Variants in RELL1 observed in about 807,000 individuals in gnomAD.
RELL1 encodes RELT like 1.
A neutral mutation model predicts 23.0 loss-of-function variants in RELL1; 10 were observed. That is an observed-to-expected ratio of 0.43 (90% CI 0.27 to 0.74). The LOEUF (loss-of-function observed/expected upper bound fraction) is 0.74. Ranked by LOEUF, RELL1 falls within the 30% of genes least tolerant of loss-of-function variation. The pLI is 0.19. For missense variants in RELL1, 315 were observed against 364.4 expected (o/e 0.86, Z 1.10); for synonymous variants, 146 against 146.8 (o/e 0.99, Z 0.04).
In RELL1 at chr4:37,596,736, A is replaced by AT. The variant is rs1178565372; in HGVS notation, c.*4-5520dup. On this transcript the variant is annotated intron_variant, in intron 6 of 6. Transcript: ENST00000314117. ...TATATATATATATATATATATATAT[A>AT]TTTTTTTTTTTTTTTTTTTTTTTTT... 4.2e-4 allele frequency among the ~76,000 whole-genome samples: 7 copies of AT among 16,508 alleles called. 1 individual carries two copies. The highest frequency in any genetic ancestry group is 7.5e-4 in the Non-Finnish European group (5 of 6,662). 10.8% of individuals were successfully genotyped at this position (16,508 alleles called of 152,430 possible). A position where few individuals can be genotyped will look rare whatever the true frequency, so the allele number is the denominator to read the frequency against.
intron 6 of RELL1, among the ~76,000 whole-genome samples, chr4:37,619,599 T>C (rs1719701148): frequency 6.7e-6 from 1 of 150,302 alleles, no homozygotes. Flanking sequence ...GCAGAGTCTC[T>C]CTCTGTCACC....
intron 1 of RELL1, among the ~76,000 whole-genome samples, chr4:37,682,812 AAGCCTGC>A (rs1397126302): frequency 6.6e-6 from 1 of 152,204 alleles, no homozygotes; most frequent in Non-Finnish European, 1.5e-5. Context: ...TGCTGGAGGG[AAGCCTGC>A]AGCCCAAGGA....
At chr4:37,643,784 G>A (rs1301309942) in intron 3 of RELL1, among the ~76,000 whole-genome samples, 1 of 152,196 alleles carries the variant, frequency 6.6e-6, no homozygotes, top group Non-Finnish European at 1.5e-5. Context: ...AAACATGCTA[G>A]GTTATAAACT....
chr4:37,592,353 G>A (rs1156585485), intron 6 of RELL1, among the ~76,000 whole-genome samples: 34 of 108,156 alleles, frequency 3.1e-4, no homozygotes, highest in East Asian at 7.7e-4. Flanking sequence ...CCATCTCTAT[G>A]AAAAAAAAAA....
At chr4:37,661,601 T>C (rs1273091577) in intron 1 of RELL1, among the ~76,000 whole-genome samples, 1 of 152,158 alleles carries the variant, frequency 6.6e-6, no homozygotes, top group Non-Finnish European at 1.5e-5. Context: ...TTAAATACAG[T>C]TTAAATCAAT....
intron 6 of RELL1, among the ~76,000 whole-genome samples, chr4:37,601,580 A>G (rs1262069177): frequency 6.6e-6 from 1 of 152,232 alleles, no homozygotes; most frequent in African/African-American, 2.4e-5. Context: ...AAGATGGTGA[A>G]AGGAAATTCT....
chr4:37,631,197 C>T (rs1489784809), intron 6 of RELL1, among the ~76,000 whole-genome samples, 188 bp downstream of exon 6: 1 of 152,156 alleles, frequency 6.6e-6, no homozygotes, highest in Non-Finnish European at 1.5e-5. Flanking sequence ...TTTGTGACTT[C>T]TTTACAAGAA....
chr4:37,658,059 C>G (rs778923803), intron 1 of RELL1, among the ~76,000 whole-genome samples: 8 of 152,132 alleles, frequency 5.3e-5, no homozygotes, highest in Non-Finnish European at 1.0e-4. Context: ...GCCTAAGGAA[C>G]AGCCAGGGAG....
chr4:37,605,793 G>GAGAGAGAGAGAGAAAGAAAGAAAGAA (rs1269670059), downstream of RELL1, among the ~76,000 whole-genome samples: 1 of 90,400 alleles, frequency 1.1e-5, no homozygotes, highest in African/African-American at 3.9e-5. Context: ...GAGAAAGAAA[G>GAGAGAGAGAGAGAAAGAAAGAAAGAA]AGAAAGAAAG....
chr4:37,613,420 A>T (rs1719474644), intron 6 of RELL1, 78 bp from the exon 7 acceptor site: 1 of 152,196 alleles, frequency 6.6e-6, no homozygotes, highest in Admixed American at 6.5e-5. Context: ...CTGAATATTT[A>T]AAAACACAGA....
intron 5 of RELL1, among the ~76,000 whole-genome samples, chr4:37,633,735 GT>G (rs1311246446): frequency 6.6e-6 from 1 of 152,188 alleles, no homozygotes; most frequent in Non-Finnish European, 1.5e-5. Context: ...CCCAAAGCTG[GT>G]TTAAGACCTT....
At chr4:37,670,057 A>T (rs533187932) in intron 1 of RELL1, among the ~76,000 whole-genome samples, 18 of 132,402 alleles carry the variant, frequency 1.4e-4, no homozygotes, top group East Asian at 1.3e-3. Context: ...AAATAAATAT[A>T]AAAAAAAAAA....
In RELL1 at chr4:37,649,467, G is replaced by A. The variant is rs1317236913; in HGVS notation, c.122C>T (p.Thr41Ile). Residue 41 changes from threonine (T) to isoleucine (I), a missense_variant, in exon 2 of 7, where the codon ACA becomes ATA. Thr to Ile is a moderately conservative substitution (Grantham distance 89). Coordinates refer to ENST00000454158, the MANE Select transcript of RELL1 (RefSeq NM_001085400.2). ...NGSSRTLHSR[T>I]ETTPSPSNDT... is the part of the protein sequence containing the mutation. The stretch of plus-strand genomic sequence containing the variant: ...GTTGCTGGGCGACGGGGTCGTCTCT[G>A]TTCTGGAGTGCAATGTGCGGCTGCT... 6.2e-7 allele frequency: 1 copy of A among 1,613,910 alleles called. No homozygotes were observed. Among genetic ancestry groups the A allele is most frequent in the African/African-American group, 1.3e-5 (1 of 74,940 alleles).
intron 6 of RELL1, among the ~76,000 whole-genome samples, chr4:37,605,227 G>C (rs1459310865): frequency 6.6e-6 from 1 of 152,148 alleles, no homozygotes; most frequent in Non-Finnish European, 1.5e-5. Flanking sequence ...ACATAAAGAT[G>C]TGTGTATCCG....
chr4:37,619,125 TGCCTCA>T (rs1362074661), intron 6 of RELL1, among the ~76,000 whole-genome samples: 1 of 152,034 alleles, frequency 6.6e-6, no homozygotes, highest in Non-Finnish European at 1.5e-5. Flanking sequence ...GTGATCTACC[TGCCTCA>T]GCCTCCCAAA....
chr4:37,621,315 G>T (rs1275371617), intron 6 of RELL1, among the ~76,000 whole-genome samples: 2 of 151,996 alleles, frequency 1.3e-5, no homozygotes, highest in Non-Finnish European at 2.9e-5. Flanking sequence ...AATCAGCCAG[G>T]CGTGGTGGTG....
chr4:37,586,425 G>A (rs1718342865), downstream of RELL1, among the ~76,000 whole-genome samples: 1 of 152,158 alleles, frequency 6.6e-6, no homozygotes, highest in African/African-American at 2.4e-5. Context: ...ACTTGAAGAA[G>A]GGTGGAGCAC....
rs1722413370 is a variant in RELL1 at position 37,686,323 on chromosome 4, G to C, written c.-36C>G. On this transcript the variant is annotated 5_prime_UTR_variant, in exon 1 of 7. Transcript: ENST00000454158. Reference sequence around the variant, plus strand: ...CTTCGCCCTCCTCCCCCAGGGCGCCGCGTCCCGCGCTCGGGAAGGCAGAGC... The same window carrying C: ...CTTCGCCCTCCTCCCCCAGGGCGCCCCGTCCCGCGCTCGGGAAGGCAGAGC... 6.9e-7 allele frequency: 1 copy of C among 1,448,666 alleles called. No homozygotes were observed. The highest frequency in any genetic ancestry group is 1.5e-5 in the African/African-American group (1 of 67,624). The allele number at this position is 1,448,666 out of a possible 1,614,324, so 89.7% of individuals were successfully genotyped here.
chr4:37,670,772 C>T (rs6810499), intron 1 of RELL1, among the ~76,000 whole-genome samples: 8,115 of 152,122 alleles, frequency 0.053, 733 homozygotes, highest in African/African-American at 0.18. Flanking sequence ...CAGGGTTTCA[C>T]CATGTTGGCC....
Sources: gnomAD v4.1 joint callset for allele counts (sites outside exome capture counted in the v4.1 genomes callset) on GRCh38, gnomAD v4.1.1 for gene constraint, MANE v1.5 for transcripts, NCBI Gene and HGNC (gene_info 2026-07-23, HGNC 2026-07-21) for gene names.